Variants in B3GLCT observed in about 807,000 individuals in gnomAD.
B3GLCT encodes beta-1,3-glucosyltransferase.
In B3GLCT, 65 loss-of-function variants were observed where a neutral mutation model predicts 63.4. The observed-to-expected ratio is 1.03, with a 90% CI of 0.84 to 1.26. The LOEUF (loss-of-function observed/expected upper bound fraction) is 1.26, where lower values mean the gene tolerates loss of function less well. Among genes scored for constraint, B3GLCT ranks in the 50% most tolerant of loss-of-function variants. B3GLCT has a pLI of 0.00. For missense variants in B3GLCT, 577 were observed against 604.8 expected (o/e 0.95, Z 0.48); for synonymous variants, 233 against 219.2 (o/e 1.06, Z -0.55).
intron 1 of B3GLCT, among the ~76,000 whole-genome samples, chr13:31,206,615 A>G (rs1240906280): frequency 1.3e-5 from 2 of 149,220 alleles, no homozygotes; most frequent in East Asian, 3.9e-4. Flanking sequence ...GTAGCCGGGC[A>G]TGGTGGCGGG....
chr13:31,258,126 A>G (rs1366366620), intron 6 of B3GLCT, among the ~76,000 whole-genome samples: 1 of 152,230 alleles, frequency 6.6e-6, no homozygotes, highest in Non-Finnish European at 1.5e-5. Context: ...ACATTTGAAC[A>G]GAGTGAAGGA....
chr13:31,238,723 C>G (rs1870780448), intron 4 of B3GLCT, among the ~76,000 whole-genome samples: 1 of 152,124 alleles, frequency 6.6e-6, no homozygotes, highest in Admixed American at 6.5e-5. Flanking sequence ...AGGAGGATTG[C>G]TTGAATCTAA....
chr13:31,215,662 C>T (rs1411136305), intron 2 of B3GLCT, among the ~76,000 whole-genome samples: 2 of 152,138 alleles, frequency 1.3e-5, no homozygotes, highest in African/African-American at 4.8e-5. Context: ...GATCCACCCA[C>T]CTCAGCCTCC....
At chr13:31,216,346 C>T (rs1376972291) in intron 2 of B3GLCT, among the ~76,000 whole-genome samples, 1 of 152,176 alleles carries the variant, frequency 6.6e-6, no homozygotes, top group Non-Finnish European at 1.5e-5. Flanking sequence ...AACTTAGCGT[C>T]AGGGAAGTTA....
In B3GLCT at chr13:31,290,011, C is replaced by G. The variant is rs139505678; in HGVS notation, c.1064+3192C>G. On this transcript the variant is annotated intron_variant, in intron 12 of 14. Transcript: ENST00000343307. The stretch of plus-strand genomic sequence containing the variant: ...AGGTATTTCTCCTAATGCTACCCCT[C>G]CCCTAGCCACCCCACCTTCCAACAG... 5.5e-3 allele frequency among the ~76,000 whole-genome samples: 835 copies of G among 152,222 alleles called. 12 individuals are homozygous for G. The highest frequency in any genetic ancestry group is 0.019 in the African/African-American group (802 of 41,512).
At chr13:31,238,186 A>G (rs953052144) in intron 4 of B3GLCT, among the ~76,000 whole-genome samples, 5 of 152,310 alleles carry the variant, frequency 3.3e-5, no homozygotes, top group African/African-American at 1.2e-4. Flanking sequence ...GCAAGTCATT[A>G]CCTATGCCTG....
chr13:31,233,000 C>T (rs1870459995), intron 4 of B3GLCT, among the ~76,000 whole-genome samples: 1 of 152,230 alleles, frequency 6.6e-6, no homozygotes, highest in Admixed American at 6.5e-5. Flanking sequence ...TGTACGCATG[C>T]ATGCACACAC....
chr13:31,285,570 T>C (rs1481948246), intron 11 of B3GLCT, among the ~76,000 whole-genome samples: 1 of 150,208 alleles, frequency 6.7e-6, no homozygotes, highest in Non-Finnish European at 1.5e-5. Context: ...CCCTTTGTTC[T>C]TTAGTTTTTT....
chr13:31,285,594 C>A (rs1329970979), intron 11 of B3GLCT, among the ~76,000 whole-genome samples: 2 of 132,320 alleles, frequency 1.5e-5, no homozygotes, highest in Non-Finnish European at 3.2e-5. Flanking sequence ...TCCCCATGCC[C>A]TTTTATGAGT....
At chr13:31,324,071 T>G (rs1875484017) in intron 14 of B3GLCT, among the ~76,000 whole-genome samples, 176 bp downstream of exon 14, 1 of 152,200 alleles carries the variant, frequency 6.6e-6, no homozygotes. Flanking sequence ...ACACACTGTC[T>G]CATGTACGTC....
chr13:31,248,230 ATAACTT>A (rs1871279325), intron 6 of B3GLCT, among the ~76,000 whole-genome samples: 2 of 152,264 alleles, frequency 1.3e-5, no homozygotes, highest in Non-Finnish European at 2.9e-5. Flanking sequence ...GTTGGAAACT[ATAACTT>A]GAAGTTCATA....
At chr13:31,201,032 T>C (rs1170956302) in intron 1 of B3GLCT, among the ~76,000 whole-genome samples, 1 of 148,598 alleles carries the variant, frequency 6.7e-6, no homozygotes, top group East Asian at 2.0e-4. Context: ...AAAAGCAGCC[T>C]TGTAATTGAC....
intron 6 of B3GLCT, among the ~76,000 whole-genome samples, chr13:31,258,361 T>C (rs1378584481): frequency 6.6e-6 from 1 of 152,170 alleles, no homozygotes; most frequent in Non-Finnish European, 1.5e-5. Flanking sequence ...TCTTTTTTTC[T>C]TCAACTTCAT....
At chr13:31,268,749 T>C (rs1022090913) in intron 7 of B3GLCT, among the ~76,000 whole-genome samples, 1 of 152,076 alleles carries the variant, frequency 6.6e-6, no homozygotes, top group Non-Finnish European at 1.5e-5. Context: ...CCATTGAAAA[T>C]GTTCAAACAA....
At chr13:31,317,890 T>C (rs1875135230) in intron 13 of B3GLCT, among the ~76,000 whole-genome samples, 1 of 101,622 alleles carries the variant, frequency 9.8e-6, no homozygotes, top group South Asian at 3.2e-4. Flanking sequence ...GAAGAAATGA[T>C]ATAAAAAAGT....
In B3GLCT at chr13:31,274,602, A is replaced by G; in HGVS notation, c.754A>G (p.Thr252Ala). The G allele has an allele frequency of 1.2e-6, 2 of 1,614,228 alleles. No homozygotes were observed. Among genetic ancestry groups the G allele is most frequent in the Non-Finnish European group, 1.7e-6 (2 of 1,180,038 alleles). The change falls in exon 9 of 15, where the codon ACA becomes GCA. Residue 252 changes from threonine to alanine, a missense_variant. Coordinates refer to ENST00000343307, the MANE Select transcript of B3GLCT (RefSeq NM_194318.4). ...TGACGTGGACTTCTACTGTGCTACC[A>G]CATTCCATTCTTTTCTACCGCTTTG... ...TNDVDFYCAT[T>A]FHSFLPLCRK...
rs138923330 is a variant in B3GLCT at position 31,229,829 on chromosome 13, G to GTA, written c.270+548_270+549dup. Reference sequence around the variant, plus strand: ...ATTCTGAATTTTTTTTTGTGTGTGTGTATATATATATATAAAAATATATAT... The same window carrying GTA: ...ATTCTGAATTTTTTTTTGTGTGTGTGTATATATATATATATAAAAATATATAT... On this transcript the variant is annotated intron_variant, in intron 4 of 14. Coordinates refer to ENST00000343307, the MANE Select transcript of B3GLCT (RefSeq NM_194318.4). Among the ~76,000 whole-genome samples the GTA allele has an allele frequency of 5.0e-4, 74 of 147,248 alleles. 1 individual carries two copies. The highest frequency in any genetic ancestry group is 3.6e-3 in the Middle Eastern group (1 of 276).
chr13:31,274,555 C>T lies in B3GLCT; in HGVS notation c.707C>T (p.Pro236Leu), dbSNP rs1322449275. The T allele has an allele frequency of 1.2e-6, 2 of 1,614,202 alleles. No individual in the cohort carries two copies. Among genetic ancestry groups the T allele is most frequent in the Admixed American group, 1.7e-5 (1 of 60,022 alleles). ...WDKGGGPPLT[P>L]VPEFCTNDVD... ...AAAGGCGGAGGACCTCCCCTGACCCCAGTGCCTGAGTTTTGTACCAATGAC... is the reference window on the plus strand; with the variant it reads ...AAAGGCGGAGGACCTCCCCTGACCCTAGTGCCTGAGTTTTGTACCAATGAC... Residue 236 changes from proline (P) to leucine (L), a missense_variant, in exon 9 of 15, where the codon CCA becomes CTA. By Grantham distance (98) the Pro-to-Leu change is moderately conservative. Transcript: ENST00000343307.
At chr13:31,249,063 G>A (rs76719545) in intron 6 of B3GLCT, among the ~76,000 whole-genome samples, 13 of 152,216 alleles carry the variant, frequency 8.5e-5, no homozygotes, top group African/African-American at 2.4e-4. Flanking sequence ...ACCCACCTTC[G>A]AATGCTCGCT....
Sources: allele counts gnomAD v4.1 joint callset (sites outside exome capture counted in the v4.1 genomes callset), GRCh38; gene constraint gnomAD v4.1.1; transcripts MANE v1.5; gene names NCBI Gene and HGNC (gene_info 2026-07-23, HGNC 2026-07-21).